RAX2: variants seen among roughly 807,000 people sequenced by gnomAD.
RAX2 encodes retina and anterior neural fold homeobox protein 2.
RAX2 carries 4 observed loss-of-function variants against 5.8 expected under a neutral mutation model. That is an observed-to-expected ratio of 0.69 (90% confidence interval 0.34 to 1.58). RAX2 has a LOEUF of 1.58. Ranked by LOEUF, RAX2 falls within the 40% of genes most tolerant of loss-of-function variation. RAX2 has a pLI of 0.05. For synonymous variants in RAX2, 133 were observed against 128.8 expected (o/e 1.03, Z -0.22); for missense variants, 275 against 271.4 (o/e 1.01, Z -0.09).
In RAX2 at chr19:3,771,803, C is replaced by T. The variant is rs774569774; in HGVS notation, c.-61G>A. On this transcript the variant is annotated 5_prime_UTR_variant, in exon 2 of 3. Coordinates refer to ENST00000555633, the MANE Select transcript of RAX2 (RefSeq NM_001319074.4). This position sits in a 1 kb window ranked among gnomAD's most constrained non-coding sequence, Gnocchi z 4.2. ...GTGGGGAGACGGCTGGGGGGGCTACCGGCAGGGACAGGGCAGGGGAGCCCC... is the reference window on the plus strand; with the variant it reads ...GTGGGGAGACGGCTGGGGGGGCTACTGGCAGGGACAGGGCAGGGGAGCCCC... 15 of 1,518,172 alleles carry T rather than the reference C, an allele frequency of 9.9e-6. No homozygotes were observed. The African/African-American group carries it at 1.2e-4, about 12-fold the overall frequency. 94.0% of individuals were successfully genotyped at this position (1,518,172 alleles called of 1,614,324 possible).
chr19:3,770,919 T>A lies in RAX2; in HGVS notation c.257A>T (p.Glu86Val). 6.4e-7 allele frequency: 1 copy of A among 1,558,940 alleles called. No homozygotes were observed. Among genetic ancestry groups the A allele is most frequent in the South Asian group, 1.2e-5 (1 of 86,316 alleles). The change falls in exon 3 of 3, where the codon GAG becomes GTG. Residue 86 changes from glutamate (E) to valine (V), a missense_variant. Glu to Val is a moderately radical substitution (Grantham distance 121, BLOSUM62 -2). Coordinates refer to ENST00000555633, the MANE Select transcript of RAX2 (RefSeq NM_001319074.4). ...GGCACCCGAGCCTGACTCCAGCCGC[T>A]CCTGGCGGCGCCACTTGGCCCGGCG... ...QNRRAKWRRQERLESGSGAVA... is the reference protein window; with the variant it reads ...QNRRAKWRRQVRLESGSGAVA...
In RAX2 at chr19:3,771,010, G is replaced by A. The variant is rs374223460; in HGVS notation, c.217-51C>T. 1,051 of 1,402,730 alleles carry A rather than the reference G, an allele frequency of 7.5e-4. 13 individuals are homozygous for A. The South Asian group carries it at 0.01, about 14-fold the overall frequency. The allele number at this position is 1,402,730 out of a possible 1,614,324, so 86.9% of individuals were successfully genotyped here. A position where few individuals can be genotyped will look rare whatever the true frequency, so the allele number is the denominator to read the frequency against. ...GTTGCTGTGAGCTCAGCCGCTCCCC[G>A]CCAATCCTCGGACCCCCTCTGCACA... is the stretch of plus-strand genomic sequence containing the variant. On this transcript the variant is annotated intron_variant, in intron 2 of 2. Coordinates refer to ENST00000555633, the MANE Select transcript of RAX2 (RefSeq NM_001319074.4). This position sits in a 1 kb window ranked among gnomAD's most constrained non-coding sequence, Gnocchi z 4.2.
chr19:3,771,789 G>C lies in RAX2; in HGVS notation c.-47C>G, dbSNP rs751186938. The C allele has an allele frequency of 6.5e-7, 1 of 1,532,856 alleles. No individual in the cohort carries two copies. Among genetic ancestry groups the C allele is most frequent in the East Asian group, 2.4e-5 (1 of 41,646 alleles). 95.0% of individuals were successfully genotyped at this position (1,532,856 alleles called of 1,614,324 possible). On this transcript the variant is annotated 5_prime_UTR_variant, in exon 2 of 3. Coordinates refer to ENST00000555633, the MANE Select transcript of RAX2 (RefSeq NM_001319074.4). This position sits in a 1 kb window ranked among gnomAD's most constrained non-coding sequence, Gnocchi z 4.2. The stretch of plus-strand genomic sequence containing the variant: ...CAGCGGGACAGATGGTGGGGAGACG[G>C]CTGGGGGGGCTACCGGCAGGGACAG...
Position 3,770,944 on chromosome 19 carries a change from G to A in RAX2, c.232C>T (p.Arg78Cys), listed in dbSNP as rs746321949. 12 of 1,562,228 alleles carry A rather than the reference G, an allele frequency of 7.7e-6. No homozygotes were observed. The highest frequency in any genetic ancestry group is 9.5e-6 in the Non-Finnish European group (11 of 1,161,296). The stretch of plus-strand genomic sequence containing the variant: ...TCCTGGCGGCGCCACTTGGCCCGGC[G>A]GTTCTGGAACCACACCTGGAGGGTG... ...EVRVQVWFQN[R>C]RAKWRRQERL... The change falls in exon 3 of 3, where the codon CGC becomes TGC. Residue 78 changes from arginine (R) to cysteine (C), a missense_variant. Coordinates refer to ENST00000555633, the MANE Select transcript of RAX2 (RefSeq NM_001319074.4).
rs2145734266 is a variant in RAX2, at chr19:3,769,110, T to G, written c.*1511A>C. 6.6e-6 allele frequency: 1 copy of G among 152,430 alleles called. No homozygotes were observed. Among genetic ancestry groups the G allele is most frequent in the African/African-American group, 2.4e-5 (1 of 41,592 alleles). The allele number at this position is 152,430 out of a possible 1,614,324, so 9.4% of individuals were successfully genotyped here. ...AGTCTTTTGTTTTAGATTTGTTTTT[T>G]ATTTGTATTGAGTCAGGGTCTGGCT... On this transcript the variant is annotated 3_prime_UTR_variant, in exon 3 of 3. Transcript: ENST00000555633.
Position 3,771,505 on chromosome 19 carries a change from G to A in RAX2, c.216+22C>T, listed in dbSNP as rs757418590. The A allele has an allele frequency of 1.9e-6, 3 of 1,559,176 alleles. No individual in the cohort carries two copies. Among genetic ancestry groups the A allele is most frequent in the Admixed American group, 3.8e-5 (2 of 52,534 alleles). ...TCCCTCCCCAGGTTGCAAAAGATGT[G>A]TGTGTTGGGGGGTGCCCTCACCTGC... On this transcript the variant is annotated intron_variant, in intron 2 of 2. Coordinates refer to ENST00000555633, the MANE Select transcript of RAX2 (RefSeq NM_001319074.4). This position sits in a 1 kb window ranked among gnomAD's most constrained non-coding sequence, Gnocchi z 4.2.
Position 3,771,039 on chromosome 19 carries a change from C to T in RAX2, c.217-80G>A. On this transcript the variant is annotated intron_variant, in intron 2 of 2. Coordinates refer to ENST00000555633, the MANE Select transcript of RAX2 (RefSeq NM_001319074.4). The surrounding 1 kb of genome is among the most constrained non-coding windows in gnomAD (Gnocchi z 4.2). ...ATCCTCGGACCCCCTCTGCACACCC[C>T]AGCCCTGGGGGTTCTGACTCCCGTC... 1 of 1,145,720 alleles carries T rather than the reference C, an allele frequency of 8.7e-7. No homozygotes were observed. The highest frequency in any genetic ancestry group is 1.3e-5 in the South Asian group (1 of 76,196). 71.0% of individuals were successfully genotyped at this position (1,145,720 alleles called of 1,614,324 possible). A position where few individuals can be genotyped will look rare whatever the true frequency, so the allele number is the denominator to read the frequency against.
rs2145735857 is a variant in RAX2 at position 3,770,633 on chromosome 19, C to G, written c.543G>C (p.Trp181Cys). The G allele has an allele frequency of 6.5e-7, 1 of 1,533,286 alleles. No homozygotes were observed. Among genetic ancestry groups the G allele is most frequent in the Non-Finnish European group, 8.7e-7 (1 of 1,145,904 alleles). 95.0% of individuals were successfully genotyped at this position (1,533,286 alleles called of 1,614,324 possible). A position where few individuals can be genotyped will look rare whatever the true frequency, so the allele number is the denominator to read the frequency against. Residue 181 changes from tryptophan (W) to cysteine (C), a missense_variant, in exon 3 of 3, where the codon TGG becomes TGC. Trp to Cys is a radical substitution (Grantham distance 215). Transcript: ENST00000555633. ...GAGGGCGGCAGGCTCAGGCTGGCGG[C>G]CAGGCCCTGTCCAGAGCCTGTGCAT... The part of the protein sequence containing the change: ...KEHAQALDRA[W>C]PPA
At position 3,771,174 on chromosome 19, in the gene RAX2, CTCCCTT is replaced by C. The variant is rs2037255209; in HGVS notation, c.217-221_217-216del. Reference sequence around the variant, plus strand: ...CCAACTCCTCACTCCCCTCCTTGGCCTCCCTTGGCCCTTAGCAAGTAACCTGAGCTG... The same window carrying C: ...CCAACTCCTCACTCCCCTCCTTGGCCGGCCCTTAGCAAGTAACCTGAGCTG... On this transcript the variant is annotated intron_variant, in intron 2 of 2. Coordinates refer to ENST00000555633, the MANE Select transcript of RAX2 (RefSeq NM_001319074.4). The surrounding 1 kb of genome is among the most constrained non-coding windows in gnomAD (Gnocchi z 4.2). Among the ~76,000 whole-genome samples the C allele has an allele frequency of 1.6e-4, 5 of 30,646 alleles. No individual in the cohort carries two copies. Among genetic ancestry groups the C allele is most frequent in the Non-Finnish European group, 4.2e-4 (5 of 11,856 alleles). 20.1% of individuals were successfully genotyped at this position (30,646 alleles called of 152,430 possible).
At position 3,769,658 on chromosome 19, in the gene RAX2, G is replaced by A. The variant is rs1170592457; in HGVS notation, c.*963C>T. 6.5e-6 allele frequency: 1 copy of A among 152,746 alleles called. No homozygotes were observed. The highest frequency in any genetic ancestry group is 2.4e-5 in the African/African-American group (1 of 41,452). 9.5% of individuals were successfully genotyped at this position (152,746 alleles called of 1,614,324 possible). ...CAGACTGTCCCATCCCATGCCTCAG[G>A]GCCCCCTCCTGCTGCACTGGGCCAG... On this transcript the variant is annotated 3_prime_UTR_variant, in exon 3 of 3. Transcript: ENST00000555633.
rs374434635 is a variant in RAX2, at chr19:3,771,685, C to T, written c.58G>A (p.Glu20Lys). 44 of 1,612,348 alleles carry T rather than the reference C, an allele frequency of 2.7e-5. No homozygotes were observed. Among genetic ancestry groups the T allele is most frequent in the African/African-American group, 9.3e-5 (7 of 75,024 alleles). Residue 20 changes from glutamate to lysine, a missense_variant, in exon 2 of 3, where the codon GAG becomes AAG. By Grantham distance (56) the Glu-to-Lys change is moderately conservative (BLOSUM62 1). Transcript: ENST00000555633. The surrounding 1 kb of genome is among the most constrained non-coding windows in gnomAD (Gnocchi z 4.2). ...CGGTGCTTCTTCTTGGGGGCCTCCT[C>T]GCCCGGCCCCAGACCCCCACCCTCG... Reference protein sequence around the residue: ...ATEGGGLGPGEEAPKKKHRRN... With the variant: ...ATEGGGLGPGKEAPKKKHRRN...
chr19:3,770,590 G>A lies in RAX2; in HGVS notation c.*31C>T. 6.6e-7 allele frequency: 1 copy of A among 1,522,688 alleles called. No individual in the cohort carries two copies. Among genetic ancestry groups the A allele is most frequent in the Non-Finnish European group, 8.8e-7 (1 of 1,138,358 alleles). The allele number at this position is 1,522,688 out of a possible 1,614,324, so 94.3% of individuals were successfully genotyped here. On this transcript the variant is annotated 3_prime_UTR_variant, in exon 3 of 3. Transcript: ENST00000555633. ...GGCACGTCCCCGGTTCTCGGGTTGG[G>A]CCGAGGAGGGGGCCCGGGAGGGCGG...
intron 1 of RAX2, 44 bp downstream of exon 1, chr19:3,772,119 C>T: frequency 6.5e-6 from 3 of 461,702 alleles, no homozygotes; most frequent in South Asian, 4.8e-5. Flanking sequence ...TCTCTGCCCC[C>T]ACCACCTCCT....
rs757897383 is a variant in RAX2, at chr19:3,770,933, C to T, written c.243G>A (p.Lys81=). Residue 81 remains lysine (K), a synonymous_variant, in exon 3 of 3, where the codon AAG becomes AAA. Transcript: ENST00000555633. ...VQVWFQNRRA[K]WRRQERLESG... ...ACTCCAGCCGCTCCTGGCGGCGCCA[C>T]TTGGCCCGGCGGTTCTGGAACCACA... 3 of 1,562,844 alleles carry T rather than the reference C, an allele frequency of 1.9e-6. No individual in the cohort carries two copies. Among genetic ancestry groups the T allele is most frequent in the Admixed American group, 3.7e-5 (2 of 54,086 alleles).
rs1005347152 is a variant in RAX2, at chr19:3,770,806, G to A, written c.370C>T (p.Pro124Ser). 3 of 1,520,054 alleles carry A rather than the reference G, an allele frequency of 2.0e-6. No homozygotes were observed. The highest frequency in any genetic ancestry group is 2.5e-5 in the East Asian group (1 of 39,856). The allele number at this position is 1,520,054 out of a possible 1,614,324, so 94.2% of individuals were successfully genotyped here. The change falls in exon 3 of 3, where the codon CCC becomes TCC. Residue 124 changes from proline to serine, a missense_variant. Transcript: ENST00000555633. ...MSLPLEPWLG[P>S]GPPAVPGLPR... ...AGGCCTGGCACGGCCGGCGGTCCGG[G>A]GCCCAACCAGGGCTCCAGGGGCAGC... is the stretch of plus-strand genomic sequence containing the variant.
rs1294461966 is a variant in RAX2, at chr19:3,770,941, G to T, written c.235C>A (p.Arg79=). Reference sequence around the variant, plus strand: ...CGCTCCTGGCGGCGCCACTTGGCCCGGCGGTTCTGGAACCACACCTGGAGG... The same window carrying T: ...CGCTCCTGGCGGCGCCACTTGGCCCTGCGGTTCTGGAACCACACCTGGAGG... The part of the protein sequence containing the change: ...VRVQVWFQNR[R]AKWRRQERLE... The change falls in exon 3 of 3, where the codon CGG becomes AGG. Residue 79 remains arginine (R), a synonymous_variant. Coordinates refer to ENST00000555633, the MANE Select transcript of RAX2 (RefSeq NM_001319074.4). 5.8e-6 allele frequency: 9 copies of T among 1,561,956 alleles called. No homozygotes were observed. In the Admixed American group the frequency reaches 1.5e-4, roughly 26 times the overall value.
Position 3,772,144 on chromosome 19 carries a change from G to A in RAX2, c.-269+19C>T. ...CACCACCTCCTACCCAGGCCCACCA[G>A]TGCCCACCCCGCACTCACCGCCCAC... On this transcript the variant is annotated intron_variant, in intron 1 of 2. Coordinates refer to ENST00000555633, the MANE Select transcript of RAX2 (RefSeq NM_001319074.4). 2.2e-6 allele frequency: 1 copy of A among 462,990 alleles called. No homozygotes were observed. The highest frequency in any genetic ancestry group is 4.3e-6 in the Non-Finnish European group (1 of 233,198). 28.7% of individuals were successfully genotyped at this position (462,990 alleles called of 1,614,324 possible).
chr19:3,772,066 G>C, intron 1 of RAX2, 56 bp from the exon 2 acceptor site: 4 of 464,064 alleles, frequency 8.6e-6, no homozygotes, highest in South Asian at 7.8e-5. Context: ...GTCAAGGAAG[G>C]CAGGATCCCT....
rs573855282 is a variant in RAX2, at chr19:3,770,273, G to A, written c.*348C>T. Reference sequence around the variant, plus strand: ...CAGCGGTCCCGCCACCCACAGCCTCGCAGCCCTCGAACCTCGGAGGCCCCC... The same window carrying A: ...CAGCGGTCCCGCCACCCACAGCCTCACAGCCCTCGAACCTCGGAGGCCCCC... On this transcript the variant is annotated 3_prime_UTR_variant, in exon 3 of 3. Transcript: ENST00000555633. 17 of 343,966 alleles carry A rather than the reference G, an allele frequency of 4.9e-5. No homozygotes were observed. In the South Asian group the frequency reaches 7.9e-4, roughly 16 times the overall value. The allele number at this position is 343,966 out of a possible 1,614,324, so 21.3% of individuals were successfully genotyped here.
Sources: allele counts gnomAD v4.1 joint callset (sites outside exome capture counted in the v4.1 genomes callset), GRCh38; gene constraint gnomAD v4.1.1; non-coding constraint Gnocchi (gnomAD v3.1); transcripts MANE v1.5; gene names NCBI Gene and HGNC (gene_info 2026-07-23, HGNC 2026-07-21).